The following SOCS2 variants were observed in gnomAD, a reference collection of about 807,000 sequenced individuals.
SOCS2 encodes the protein CIS-2.
In SOCS2, 10 loss-of-function variants were observed where a neutral mutation model predicts 18.6. The observed-to-expected ratio is 0.54, with a 90% confidence interval of 0.33 to 0.91. The LOEUF is 0.91. SOCS2 is among the 40% of genes least tolerant of loss of function. The probability of loss-of-function intolerance (pLI) is 0.02; values close to 1 mark genes in which losing one functional copy is unlikely to be tolerated. For missense variants in SOCS2, 231 were observed against 247.2 expected (o/e 0.93, Z 0.44); for synonymous variants, 104 against 104.0 (o/e 1.00, Z 0.00).
the SOCS2 span, among the ~76,000 whole-genome samples, chr12:93,614,719 G>A: frequency 2.0e-5 from 3 of 149,822 alleles, no homozygotes; most frequent in African/African-American, 4.9e-5. Flanking sequence ...GGGTTCAAGC[G>A]ATTCTCCTGC....
chr12:93,600,745 C>A, the SOCS2 span, among the ~76,000 whole-genome samples: 1 of 147,560 alleles, frequency 6.8e-6, no homozygotes, highest in African/African-American at 2.5e-5. Flanking sequence ...TTAATGGAAT[C>A]TTTTAAAATT....
chr12:93,611,387 G>A, the SOCS2 span, among the ~76,000 whole-genome samples: 9 of 152,174 alleles, frequency 5.9e-5, no homozygotes, highest in South Asian at 2.1e-4. Context: ...GCAGGTGTGT[G>A]CCACCACGCC....
chr12:93,607,087 T>C, the SOCS2 span, among the ~76,000 whole-genome samples: 1 of 152,214 alleles, frequency 6.6e-6, no homozygotes, highest in Non-Finnish European at 1.5e-5. Flanking sequence ...ATACCTGGCT[T>C]CTGGTTAGGC....
the SOCS2 span, among the ~76,000 whole-genome samples, chr12:93,588,901 C>T: frequency 3.3e-5 from 5 of 152,120 alleles, no homozygotes; most frequent in African/African-American, 9.7e-5. Context: ...GGATTACAGG[C>T]GTGAGCCACC....
chr12:93,572,799 C>T lies in SOCS2; in HGVS notation c.-99C>T. 1 of 1,475,826 alleles carries T rather than the reference C, an allele frequency of 6.8e-7. No homozygotes were observed. Among genetic ancestry groups the T allele is most frequent in the Non-Finnish European group, 9.2e-7 (1 of 1,081,916 alleles). 91.4% of individuals were successfully genotyped at this position (1,475,826 alleles called of 1,614,324 possible). On this transcript the variant is annotated 5_prime_UTR_variant, in exon 1 of 2. Coordinates refer to ENST00000551556, the MANE Select transcript of SOCS2 (RefSeq NM_001270471.2). This position sits in a 1 kb window ranked among gnomAD's most constrained non-coding sequence, Gnocchi z 5.0. ...CACCATTTCGGACACCCCGCAGGGACTCGTTTTGGGATTCGCACTGACTTC... is the reference window on the plus strand; with the variant it reads ...CACCATTTCGGACACCCCGCAGGGATTCGTTTTGGGATTCGCACTGACTTC...
At position 93,574,506 on chromosome 12, in the gene SOCS2, G is replaced by T. The variant is rs567405348; in HGVS notation, c.140-216G>T. 19 of 409,752 alleles carry T rather than the reference G, an allele frequency of 4.6e-5. No individual in the cohort carries two copies. The East Asian group carries it at 6.4e-4, about 14-fold the overall frequency. The allele number at this position is 409,752 out of a possible 1,614,324, so 25.4% of individuals were successfully genotyped here. On this transcript the variant is annotated intron_variant, in intron 1 of 1. Coordinates refer to ENST00000551556, the MANE Select transcript of SOCS2 (RefSeq NM_001270471.2). ...ATTTTTTAAAAAAGAAAGAAAACTG[G>T]CTCGCCGTTTGTGTTCATAAAATGG...
the SOCS2 span, among the ~76,000 whole-genome samples, chr12:93,596,810 G>A: frequency 6.6e-5 from 10 of 152,046 alleles, no homozygotes; most frequent in African/African-American, 2.2e-4. Flanking sequence ...ACTGGGAGAC[G>A]GAGCAAGACC....
chr12:93,593,109 C>A, the SOCS2 span, among the ~76,000 whole-genome samples: 5 of 152,086 alleles, frequency 3.3e-5, no homozygotes, highest in Non-Finnish European at 5.9e-5. Flanking sequence ...TCCTCTGCAC[C>A]CACTCCTGAC....
the SOCS2 span, among the ~76,000 whole-genome samples, chr12:93,611,626 A>T: frequency 6.6e-6 from 1 of 152,212 alleles, no homozygotes; most frequent in Non-Finnish European, 1.5e-5. Context: ...TGCTTACCAA[A>T]AATGTATTTA....
chr12:93,608,566 T>C, the SOCS2 span, among the ~76,000 whole-genome samples: 28 of 151,830 alleles, frequency 1.8e-4, no homozygotes, highest in Non-Finnish European at 3.2e-4. Context: ...TGATATTACA[T>C]AGTTCATATA....
the SOCS2 span, among the ~76,000 whole-genome samples, chr12:93,591,019 C>T: frequency 4.0e-5 from 6 of 151,844 alleles, no homozygotes; most frequent in Non-Finnish European, 8.8e-5. Flanking sequence ...TACTTGTTGG[C>T]AGTGCAGTTT....
downstream of SOCS2, among the ~76,000 whole-genome samples, chr12:93,577,321 T>C (rs902557575): frequency 6.6e-6 from 1 of 152,148 alleles, no homozygotes; most frequent in Non-Finnish European, 1.5e-5. Context: ...CAGGAGGCAA[T>C]TATTTTTGGT....
chr12:93,614,624 T>TTTCTTTCTTTC, the SOCS2 span, among the ~76,000 whole-genome samples: 10 of 119,782 alleles, frequency 8.3e-5, 1 homozygote, highest in Non-Finnish European at 1.0e-4. Context: ...TCTTTCTTTC[T>TTTCTTTCTTTC]TTCTTTCTTT....
At position 93,575,411 on chromosome 12, in the gene SOCS2, G is replaced by A; in HGVS notation, c.*232G>A. On this transcript the variant is annotated 3_prime_UTR_variant, in exon 2 of 2. Coordinates refer to ENST00000551556, the MANE Select transcript of SOCS2 (RefSeq NM_001270471.2). ...TTCCTAAGGCTGACCAAGACCTGTT[G>A]ATCCTTTTAGATTAAAAATAAAATG... The A allele has an allele frequency of 3.6e-6, 1 of 278,524 alleles. No individual in the cohort carries two copies. Among genetic ancestry groups the A allele is most frequent in the Non-Finnish European group, 6.7e-6 (1 of 148,884 alleles). The allele number at this position is 278,524 out of a possible 1,614,324, so 17.3% of individuals were successfully genotyped here.
downstream of SOCS2, among the ~76,000 whole-genome samples, chr12:93,578,474 T>C (rs1461733076): frequency 6.6e-6 from 1 of 152,134 alleles, no homozygotes; most frequent in East Asian, 1.9e-4. Flanking sequence ...TGGGCTGAAG[T>C]CTCCGTCTTT....
chr12:93,574,946 G>A lies in SOCS2; in HGVS notation c.364G>A (p.Val122Met). 1 of 1,614,190 alleles carries A rather than the reference G, an allele frequency of 6.2e-7. No individual in the cohort carries two copies. The highest frequency in any genetic ancestry group is 1.1e-5 in the South Asian group (1 of 91,084). Residue 122 changes from valine (V) to methionine (M), a missense_variant, in exon 2 of 2, where the codon GTG becomes ATG. Val to Met is a conservative substitution (Grantham distance 21). Transcript: ENST00000551556. ...ATCCAAGCTTAAACAATTTGACAGT[G>A]TGGTTCATCTGATCGACTACTATGT... ...VKSKLKQFDS[V>M]VHLIDYYVQM...
At chr12:93,571,253 GAGGAGAGT>G (rs1314379696), upstream of SOCS2, 1 of 152,382 alleles carries the variant, frequency 6.6e-6, no homozygotes, top group East Asian at 1.9e-4. Context: ...GCTCCGCCCC[GAGGAGAGT>G]TACCGGGGAG....
At chr12:93,602,953 C>G in the SOCS2 span, among the ~76,000 whole-genome samples, 1 of 152,100 alleles carries the variant, frequency 6.6e-6, no homozygotes, top group African/African-American at 2.4e-5. Context: ...GCCTAGAGAG[C>G]GCTGCTGGGC....
chr12:93,605,514 C>T, the SOCS2 span, among the ~76,000 whole-genome samples: 49 of 152,238 alleles, frequency 3.2e-4, no homozygotes, highest in East Asian at 9.1e-3. Context: ...TTGTTGATCC[C>T]TGGAGATTTT....
Sources: allele counts gnomAD v4.1 joint callset (sites outside exome capture counted in the v4.1 genomes callset), GRCh38; gene constraint gnomAD v4.1.1; non-coding constraint Gnocchi (gnomAD v3.1); transcripts MANE v1.5; gene names NCBI Gene and HGNC (gene_info 2026-07-23, HGNC 2026-07-21).